KIF26B: variants seen among roughly 807,000 people sequenced by gnomAD.
The protein encoded by KIF26B is kinesin-like protein KIF26B.
KIF26B carries 63 observed loss-of-function variants against 151.2 expected under a neutral mutation model. That is an observed-to-expected ratio of 0.42 (90% CI 0.34 to 0.51). KIF26B has a LOEUF of 0.51. Among genes scored for constraint, KIF26B ranks in the 20% least tolerant of loss-of-function variants. The probability of loss-of-function intolerance (pLI) is 0.07; values close to 1 mark genes in which losing one functional copy is unlikely to be tolerated. For missense variants in KIF26B, 2,813 were observed against 2,913.6 expected (o/e 0.97, Z 0.79); for synonymous variants, 1,357 against 1,262.1 (o/e 1.08, Z -1.59).
At chr1:245,640,141 C>CTATATA (rs370302117) in intron 9 of KIF26B, among the ~76,000 whole-genome samples, 1 of 31,710 alleles carries the variant, frequency 3.2e-5, no homozygotes, top group African/African-American at 1.3e-4. Flanking sequence ...CTCTCTCTCT[C>CTATATA]TCTATATATA....
chr1:245,207,080 T>C (rs1669419710), intron 2 of KIF26B, among the ~76,000 whole-genome samples: 1 of 152,152 alleles, frequency 6.6e-6, no homozygotes. Context: ...AGCAAGGTAC[T>C]TGGCAGAGAA....
Position 245,563,376 on chromosome 1 carries a change from A to G in KIF26B, c.1350+22426A>G, listed in dbSNP as rs560002938. On this transcript the variant is annotated intron_variant, in intron 5 of 14. Coordinates refer to ENST00000407071, the MANE Select transcript of KIF26B (RefSeq NM_018012.4). The surrounding 1 kb of genome is among the most constrained non-coding windows in gnomAD (Gnocchi z 4.6). ...CTTCTTTCAAGGGTTAATGTTTCCA[A>G]GTGGGTTCTATCTTCTCAAGGATCA... Among the ~76,000 whole-genome samples the G allele has an allele frequency of 7.9e-4, 120 of 152,280 alleles. 1 individual carries two copies. The South Asian group carries it at 0.024, about 30-fold the overall frequency.
At chr1:245,389,844 A>T (rs1299776885) in intron 3 of KIF26B, among the ~76,000 whole-genome samples, 1 of 152,266 alleles carries the variant, frequency 6.6e-6, no homozygotes, top group African/African-American at 2.4e-5. Context: ...TCCTTTCCCA[A>T]GGCTCATTAA....
chr1:245,607,956 A>G (rs1425594576), intron 7 of KIF26B, among the ~76,000 whole-genome samples: 1 of 152,214 alleles, frequency 6.6e-6, no homozygotes, highest in Non-Finnish European at 1.5e-5. Flanking sequence ...TTCAAGTCCA[A>G]ATAGATGGAA....
At chr1:245,588,837 C>T (rs569494016) in intron 5 of KIF26B, among the ~76,000 whole-genome samples, 3 of 152,212 alleles carry the variant, frequency 2.0e-5, no homozygotes, top group Admixed American at 6.5e-5. Context: ...GAAAGGGGGC[C>T]TTTTGGAAGA....
chr1:245,451,026 G>A (rs932384665), intron 4 of KIF26B, among the ~76,000 whole-genome samples: 2 of 151,846 alleles, frequency 1.3e-5, no homozygotes, highest in South Asian at 2.1e-4. Context: ...TTCCTACAAC[G>A]GAAACTTTGA....
intron 3 of KIF26B, among the ~76,000 whole-genome samples, chr1:245,383,323 C>G (rs974205155): frequency 6.6e-6 from 1 of 152,052 alleles, no homozygotes; most frequent in Non-Finnish European, 1.5e-5. Flanking sequence ...CCGAGGCATC[C>G]CTCACGTCTG....
chr1:245,367,737 C>T lies in KIF26B; in HGVS notation c.999+370C>T, dbSNP rs753989969. ...CCACACAGATACTTGGACTGGGGTCCAAGCCCCGACTTGTCCACTTATTAG... is the reference window on the plus strand; with the variant it reads ...CCACACAGATACTTGGACTGGGGTCTAAGCCCCGACTTGTCCACTTATTAG... On this transcript the variant is annotated intron_variant, in intron 3 of 14. Coordinates refer to ENST00000407071, the MANE Select transcript of KIF26B (RefSeq NM_018012.4). This position sits in a 1 kb window ranked among gnomAD's most constrained non-coding sequence, Gnocchi z 4.2. 1.3e-5 allele frequency among the ~76,000 whole-genome samples: 2 copies of T among 152,206 alleles called. No individual in the cohort carries two copies. Among genetic ancestry groups the T allele is most frequent in the African/African-American group, 2.4e-5 (1 of 41,450 alleles).
At chr1:245,198,721 C>T (rs1037845929) in intron 2 of KIF26B, among the ~76,000 whole-genome samples, 6 of 143,642 alleles carry the variant, frequency 4.2e-5, no homozygotes, top group South Asian at 2.2e-4. Context: ...AGAGAGACTC[C>T]GTCTCAAAAA....
At chr1:245,160,210 T>A (rs1668509728) in intron 2 of KIF26B, among the ~76,000 whole-genome samples, 1 of 152,198 alleles carries the variant, frequency 6.6e-6, no homozygotes, top group African/African-American at 2.4e-5. Context: ...ACACTCAGAT[T>A]GACTTTTATT....
Position 245,273,062 on chromosome 1 carries a change from G to GT in KIF26B, c.466-93762dup, listed in dbSNP as rs560051711. Reference sequence around the variant, plus strand: ...ATCTGTAGTGTTCTTCAAGTCCTCTGTTTTTTTTTTATTAGCCTTTTGTTT... The same window carrying GT: ...ATCTGTAGTGTTCTTCAAGTCCTCTGTTTTTTTTTTTATTAGCCTTTTGTTT... On this transcript the variant is annotated intron_variant, in intron 2 of 14. Transcript: ENST00000407071. 1.5e-3 allele frequency among the ~76,000 whole-genome samples: 215 copies of GT among 148,094 alleles called. 1 individual carries two copies. Among genetic ancestry groups the GT allele is most frequent in the South Asian group, 7.3e-3 (34 of 4,654 alleles).
In KIF26B at chr1:245,687,336, G is replaced by A. The variant is rs1001859486; in HGVS notation, c.4353G>A (p.Glu1451=). Residue 1451 remains glutamate (E), a synonymous_variant, in exon 12 of 15, where the codon GAG becomes GAA. Coordinates refer to ENST00000407071, the MANE Select transcript of KIF26B (RefSeq NM_018012.4). This position sits in a 1 kb window ranked among gnomAD's most constrained non-coding sequence, Gnocchi z 4.9. The part of the protein sequence containing the change: ...WLKREEEVKK[E]TAHPNEEGMM... The stretch of plus-strand genomic sequence containing the variant: ...AACGAGAAGAGGAAGTGAAAAAAGA[G>A]ACGGCTCATCCCAATGAAGAAGGGA... The A allele has an allele frequency of 1.9e-6, 3 of 1,597,940 alleles. No individual in the cohort carries two copies. The highest frequency in any genetic ancestry group is 2.6e-6 in the Non-Finnish European group (3 of 1,172,792).
chr1:245,156,241 GC>G (rs1295350055), intron 1 of KIF26B, 40 bp from the exon 2 acceptor site: 3 of 1,534,022 alleles, frequency 2.0e-6, no homozygotes, highest in Non-Finnish European at 2.6e-6. Context: ...GCTGCAGCCC[GC>G]CGCCTTGCAG....
At chr1:245,633,351 A>G (rs1025231740) in intron 9 of KIF26B, among the ~76,000 whole-genome samples, 1 of 151,744 alleles carries the variant, frequency 6.6e-6, no homozygotes, top group African/African-American at 2.4e-5. Context: ...AACTGTTTAC[A>G]TTCAAGGATG....
chr1:245,450,613 G>A (rs1436212282), intron 4 of KIF26B, among the ~76,000 whole-genome samples: 1 of 152,194 alleles, frequency 6.6e-6, no homozygotes, highest in East Asian at 1.9e-4. Flanking sequence ...ATTTCATTGT[G>A]ACTTCATCTT....
At chr1:245,390,943 A>AAAAAAAAAAAAAAAAAAAAAC in intron 3 of KIF26B, among the ~76,000 whole-genome samples, 1 of 118,458 alleles carries the variant, frequency 8.4e-6, no homozygotes, top group African/African-American at 4.1e-5. Context: ...AAAAAAAAAA[A>AAAAAAAAAAAAAAAAAAAAAC]AAAAAAAAAC....
At chr1:245,552,232 C>T (rs376579389) in intron 5 of KIF26B, among the ~76,000 whole-genome samples, 10 of 150,006 alleles carry the variant, frequency 6.7e-5, no homozygotes, top group South Asian at 6.4e-4. Context: ...TGGAGGTTGG[C>T]GGGCAGGCTG....
At chr1:245,185,259 C>T (rs1668979779) in intron 2 of KIF26B, among the ~76,000 whole-genome samples, 1 of 152,020 alleles carries the variant, frequency 6.6e-6, no homozygotes, top group African/African-American at 2.4e-5. Flanking sequence ...CTGCCTCAGC[C>T]TCCCGGGTAG....
At chr1:245,521,677 G>T (rs1661113705) in intron 4 of KIF26B, among the ~76,000 whole-genome samples, 1 of 152,112 alleles carries the variant, frequency 6.6e-6, no homozygotes, top group South Asian at 2.1e-4. Context: ...AGCCAGTTCT[G>T]ACCATCCACT....
Sources: gnomAD v4.1 joint callset for allele counts (sites outside exome capture counted in the v4.1 genomes callset) on GRCh38, gnomAD v4.1.1 for gene constraint, Gnocchi (gnomAD v3.1) non-coding constraint, MANE v1.5 for transcripts, NCBI Gene and HGNC (gene_info 2026-07-23, HGNC 2026-07-21) for gene names.